The following NHERF4 variants were observed in gnomAD, a reference collection of about 807,000 sequenced individuals.
The protein encoded by NHERF4 is NHERF family PDZ scaffold protein 4, also known as Na(+)/H(+) exchange regulatory cofactor NHE-RF4.
At chr11:119,188,331 G>A in the NHERF4 span, 1 of 1,613,028 alleles carries the variant, frequency 6.2e-7, no homozygotes, top group Admixed American at 1.7e-5. Flanking sequence ...CTGGAGAGGA[G>A]CAGTGAGGAT....
At chr11:119,190,174 A>C in the NHERF4 span, 3 of 1,011,736 alleles carry the variant, frequency 3.0e-6, no homozygotes, top group Non-Finnish European at 4.2e-6. The surrounding 1 kb of genome is among the most constrained non-coding windows in gnomAD (Gnocchi z 4.2). Flanking sequence ...CAAAAACAAA[A>C]AAAGAAGAAA....
At chr11:119,187,328 A>G in the NHERF4 span, 1 of 1,613,312 alleles carries the variant, frequency 6.2e-7, no homozygotes, top group Non-Finnish European at 8.5e-7. Flanking sequence ...TTGGCACGGC[A>G]TGCACATGAC....
the NHERF4 span, chr11:119,185,963 C>G: frequency 1.2e-6 from 2 of 1,614,082 alleles, no homozygotes; most frequent in Non-Finnish European, 1.7e-6. Flanking sequence ...GTAAGTGCCA[C>G]GAGGGTTGGG....
the NHERF4 span, chr11:119,188,379 C>T: frequency 3.2e-4 from 510 of 1,613,930 alleles, no homozygotes; most frequent in Non-Finnish European, 3.7e-4. Flanking sequence ...GAGGTGGACC[C>T]GGGACTGCCA....
chr11:119,186,119 C>G, the NHERF4 span: 9 of 1,613,634 alleles, frequency 5.6e-6, no homozygotes, highest in African/African-American at 9.3e-5. This position sits in a 1 kb window ranked among gnomAD's most constrained non-coding sequence, Gnocchi z 4.4. Flanking sequence ...CAAAGCTGGG[C>G]ATTGATAATC....
the NHERF4 span, chr11:119,186,841 C>T: frequency 3.5e-6 from 3 of 851,078 alleles, no homozygotes; most frequent in Non-Finnish European, 5.3e-6. This position sits in a 1 kb window ranked among gnomAD's most constrained non-coding sequence, Gnocchi z 4.4. Context: ...GGGAAAGCAT[C>T]TAGAAAGCCG....
chr11:119,189,208 G>T, the NHERF4 span: 2 of 1,603,206 alleles, frequency 1.2e-6, no homozygotes, highest in Non-Finnish European at 8.5e-7. This position sits in a 1 kb window ranked among gnomAD's most constrained non-coding sequence, Gnocchi z 5.8. Context: ...CTGCAGAGGT[G>T]AGGAAGAAGA....
At chr11:119,187,614 C>A in the NHERF4 span, 3 of 1,581,080 alleles carry the variant, frequency 1.9e-6, no homozygotes, top group African/African-American at 2.7e-5. Flanking sequence ...AGCAGCTGAG[C>A]GGGCAGGGGT....
At chr11:119,186,179 C>T in the NHERF4 span, 3 of 1,614,146 alleles carry the variant, frequency 1.9e-6, no homozygotes, top group Admixed American at 5.0e-5. This position sits in a 1 kb window ranked among gnomAD's most constrained non-coding sequence, Gnocchi z 4.4. Flanking sequence ...ACTCCCTCAC[C>T]CCCTGGCAAC....
chr11:119,188,160 G>A, the NHERF4 span: 6 of 1,523,622 alleles, frequency 3.9e-6, no homozygotes, highest in African/African-American at 8.3e-5. Flanking sequence ...TGGGAGCCCT[G>A]GGGGCGGTGG....
At chr11:119,190,135 T>G in the NHERF4 span, 1 of 650,396 alleles carries the variant, frequency 1.5e-6, no homozygotes, top group Non-Finnish European at 2.5e-6. The surrounding 1 kb of genome is among the most constrained non-coding windows in gnomAD (Gnocchi z 4.2). Flanking sequence ...GATGTCTGTA[T>G]GACAGCCACT....
chr11:119,188,643 C>T, the NHERF4 span: 117 of 1,614,090 alleles, frequency 7.2e-5, no homozygotes, highest in East Asian at 2.3e-3. Flanking sequence ...CTTCCAGGTT[C>T]GCCTGTCCCC....
chr11:119,188,909 G>C, the NHERF4 span: 1 of 1,611,694 alleles, frequency 6.2e-7, no homozygotes, highest in Non-Finnish European at 8.5e-7. Context: ...TCGATCCTTT[G>C]CTGCCTGATC....
the NHERF4 span, chr11:119,189,770 G>A: frequency 1.9e-6 from 1 of 536,078 alleles, no homozygotes. This position sits in a 1 kb window ranked among gnomAD's most constrained non-coding sequence, Gnocchi z 5.8. Context: ...AGGTGTGGCT[G>A]TGGGTCTGGC....
chr11:119,186,802 G>A, the NHERF4 span: 4 of 1,101,068 alleles, frequency 3.6e-6, no homozygotes, highest in Non-Finnish European at 5.1e-6. This position sits in a 1 kb window ranked among gnomAD's most constrained non-coding sequence, Gnocchi z 4.4. Flanking sequence ...CACACCCCAG[G>A]ATTTAGAAGT....
chr11:119,188,159 T>TG, the NHERF4 span: 3 of 1,521,604 alleles, frequency 2.0e-6, no homozygotes, highest in South Asian at 3.7e-5. Context: ...GTGGGAGCCC[T>TG]GGGGGCGGTG....
the NHERF4 span, chr11:119,189,538 C>T: frequency 6.2e-7 from 1 of 1,600,388 alleles, no homozygotes; most frequent in Non-Finnish European, 8.6e-7. The surrounding 1 kb of genome is among the most constrained non-coding windows in gnomAD (Gnocchi z 5.8). Flanking sequence ...ACCGTGTCTT[C>T]ACTCTCCAGC....
At chr11:119,190,192 A>G in the NHERF4 span, 489 of 1,110,610 alleles carry the variant, frequency 4.4e-4, 4 homozygotes, top group East Asian at 9.1e-3. This position sits in a 1 kb window ranked among gnomAD's most constrained non-coding sequence, Gnocchi z 4.2. Flanking sequence ...AAAACTAAAT[A>G]AAAATAAAAA....
chr11:119,186,625 C>T, the NHERF4 span: 1 of 1,613,420 alleles, frequency 6.2e-7, no homozygotes, highest in Non-Finnish European at 8.5e-7. This position sits in a 1 kb window ranked among gnomAD's most constrained non-coding sequence, Gnocchi z 4.4. Context: ...GCGCCAGGGT[C>T]TTCAGGAAGG....
Sources: gnomAD v4.1 joint callset for allele counts on GRCh38, gnomAD v4.1.1 for gene constraint, Gnocchi (gnomAD v3.1) non-coding constraint, MANE v1.5 for transcripts, NCBI Gene and HGNC (gene_info 2026-07-23, HGNC 2026-07-21) for gene names.